Variants in TDRD9 observed in about 807,000 individuals in gnomAD.
TDRD9 encodes tudor domain containing 9.
TDRD9 carries 124 observed loss-of-function variants against 172.6 expected under a neutral mutation model. The observed-to-expected ratio is 0.72, with a 90% confidence interval of 0.62 to 0.83. TDRD9 has a LOEUF of 0.83. Among genes scored for constraint, TDRD9 ranks in the 40% least tolerant of loss-of-function variants. TDRD9 has a pLI of 0.00. For missense variants in TDRD9, 1,479 were observed against 1,714.1 expected (o/e 0.86, Z 2.42); for synonymous variants, 619 against 617.1 (o/e 1.00, Z -0.05).
intron 1 of TDRD9, among the ~76,000 whole-genome samples, chr14:103,951,752 TTC>T (rs1428227358): frequency 2.0e-5 from 3 of 152,146 alleles, no homozygotes. Flanking sequence ...ACTGAAATAT[TTC>T]TTTTTTTTTC....
intron 1 of TDRD9, among the ~76,000 whole-genome samples, chr14:103,954,669 C>G (rs547882201): frequency 6.6e-6 from 1 of 152,296 alleles, no homozygotes; most frequent in African/African-American, 2.4e-5. Context: ...GGCTCTGTTG[C>G]CCAGGCTGGA....
chr14:103,936,807 G>A (rs572549942), intron 1 of TDRD9, among the ~76,000 whole-genome samples: 1 of 152,302 alleles, frequency 6.6e-6, no homozygotes, highest in East Asian at 1.9e-4. Flanking sequence ...TTTGTTGAAT[G>A]ATGGCCTGGC....
At chr14:103,949,904 G>A (rs1390276591) in intron 1 of TDRD9, among the ~76,000 whole-genome samples, 7 of 151,770 alleles carry the variant, frequency 4.6e-5, no homozygotes, top group African/African-American at 1.7e-4. Context: ...TCGAACTCCC[G>A]ACCTCAGGTG....
rs557921777 is a variant in TDRD9 at position 103,930,119 on chromosome 14, G to A, written c.215+1395G>A. Reference sequence around the variant, plus strand: ...AGTACTTCCAGCTTGGAGTATCTCCGTCACTCTTGCTCAGTCCCCAAGTCC... The same window carrying A: ...AGTACTTCCAGCTTGGAGTATCTCCATCACTCTTGCTCAGTCCCCAAGTCC... On this transcript the variant is annotated intron_variant, in intron 1 of 35. Transcript: ENST00000409874. Among the ~76,000 whole-genome samples, 12 of 152,172 alleles carry A rather than the reference G, an allele frequency of 7.9e-5. No homozygotes were observed. The South Asian group carries it at 2.1e-3, about 26-fold the overall frequency.
At chr14:103,941,720 CTTGT>C (rs2031248528) in intron 1 of TDRD9, 1 of 1,454,522 alleles carries the variant, frequency 6.9e-7, no homozygotes, top group East Asian at 2.5e-5. Flanking sequence ...AATATTTTCA[CTTGT>C]TTATTTGCTC....
chr14:104,012,701 A>T (rs554493899), intron 20 of TDRD9, among the ~76,000 whole-genome samples: 1 of 151,998 alleles, frequency 6.6e-6, no homozygotes, highest in Non-Finnish European at 1.5e-5. Flanking sequence ...TCCTGTCTAT[A>T]ATTTCTTTTA....
At chr14:103,939,764 T>TTTTTA (rs61621268) in intron 1 of TDRD9, 4 of 133,076 alleles carry the variant, frequency 3.0e-5, no homozygotes, top group Admixed American at 1.6e-4. Flanking sequence ...TTTTTTTTTT[T>TTTTTA]GAGACAAGGT....
chr14:104,012,286 G>C (rs903307626), intron 20 of TDRD9, among the ~76,000 whole-genome samples: 2 of 152,236 alleles, frequency 1.3e-5, no homozygotes, highest in African/African-American at 4.8e-5. Context: ...AGAGTCCCTG[G>C]AGGCTTGGCA....
At chr14:104,034,928 T>C (rs1596016190) in intron 31 of TDRD9, 32 bp from the exon 32 acceptor site, 3 of 1,520,044 alleles carry the variant, frequency 2.0e-6, no homozygotes, top group Non-Finnish European at 2.7e-6. Flanking sequence ...CGTGAGTTAA[T>C]GCCCGATGTT....
Position 103,995,750 on chromosome 14 carries a change from A to G in TDRD9, c.1321A>G (p.Ile441Val). Residue 441 changes from isoleucine (I) to valine (V), a missense_variant and splice_region_variant, in exon 12 of 36, where the codon ATT becomes GTT. By Grantham distance (29) the Ile-to-Val change is conservative. Transcript: ENST00000409874. ...AGCTTTTTTCTTTGATGTTTAACAG[A>G]TTATTCTGTCCACCAATATTGCAGA... ...FLSPVPGYRK[I>V]ILSTNIAESS... 2 of 1,603,500 alleles carry G rather than the reference A, an allele frequency of 1.2e-6. No individual in the cohort carries two copies. The highest frequency in any genetic ancestry group is 8.5e-7 in the Non-Finnish European group (1 of 1,175,900).
In TDRD9 at chr14:103,941,151, A is replaced by G. The variant is rs991212085; in HGVS notation, c.215+12427A>G. 10 of 1,376,662 alleles carry G rather than the reference A, an allele frequency of 7.3e-6. No individual in the cohort carries two copies. The East Asian group carries it at 1.0e-4, about 14-fold the overall frequency. 85.3% of individuals were successfully genotyped at this position (1,376,662 alleles called of 1,614,324 possible). A position where few individuals can be genotyped will look rare whatever the true frequency, so the allele number is the denominator to read the frequency against. On this transcript the variant is annotated intron_variant, in intron 1 of 35. Transcript: ENST00000409874. The stretch of plus-strand genomic sequence containing the variant: ...TATTCAGTTTAGAACATTTTTTGTT[A>G]TATCTCTTTATCTCCAAAATACAGC...
chr14:103,993,885 A>T (rs993792907), intron 9 of TDRD9, among the ~76,000 whole-genome samples: 12 of 152,230 alleles, frequency 7.9e-5, no homozygotes, highest in Non-Finnish European at 2.9e-5. Context: ...GAGAATCAGG[A>T]TGAGGCAAAA....
intron 1 of TDRD9, among the ~76,000 whole-genome samples, chr14:103,952,688 G>C (rs1474140450): frequency 7.1e-6 from 1 of 140,484 alleles, no homozygotes; most frequent in Non-Finnish European, 1.5e-5. Context: ...ACATTTCTAT[G>C]CGTTTCATTC....
chr14:104,021,821 A>G (rs2034965248), intron 23 of TDRD9, among the ~76,000 whole-genome samples: 1 of 152,256 alleles, frequency 6.6e-6, no homozygotes, highest in Non-Finnish European at 1.5e-5. Flanking sequence ...ACATTCTGTT[A>G]TAATCATGAA....
At chr14:103,973,548 G>A (rs2033121831) in intron 6 of TDRD9, among the ~76,000 whole-genome samples, 2 of 152,250 alleles carry the variant, frequency 1.3e-5, no homozygotes, top group Non-Finnish European at 2.9e-5. Flanking sequence ...GTTTGGAGAA[G>A]AGGCAGAGGG....
At chr14:103,966,914 C>G (rs1180974606) in intron 5 of TDRD9, 83 bp downstream of exon 5, 2 of 1,229,408 alleles carry the variant, frequency 1.6e-6, no homozygotes, top group Non-Finnish European at 2.1e-6. Context: ...TGTCTTTGTG[C>G]CTGTCTCAGC....
At chr14:103,937,270 C>T (rs757548170) in intron 1 of TDRD9, among the ~76,000 whole-genome samples, 1 of 152,136 alleles carries the variant, frequency 6.6e-6, no homozygotes, top group African/African-American at 2.4e-5. Flanking sequence ...TCTCGCTGTG[C>T]TCTGGTCACA....
chr14:103,986,209 GT>G lies in TDRD9; in HGVS notation c.1012-3del, dbSNP rs1458654629. The G allele has an allele frequency of 6.2e-7, 1 of 1,610,332 alleles. No homozygotes were observed. Among genetic ancestry groups the G allele is most frequent in the Admixed American group, 1.7e-5 (1 of 59,368 alleles). Reference sequence around the variant, plus strand: ...CGTATTGCGACTTTTTTCTTTCACTGTTTTTAGCTCTCTCCTCATCTCCTGG... The same window carrying G: ...CGTATTGCGACTTTTTTCTTTCACTGTTTTAGCTCTCTCCTCATCTCCTGG... On this transcript the variant is annotated splice_region_variant and splice_polypyrimidine_tract_variant and intron_variant, in intron 7 of 35. Coordinates refer to ENST00000409874, the MANE Select transcript of TDRD9 (RefSeq NM_153046.3).
chr14:103,953,910 A>G (rs1191500272), intron 1 of TDRD9, among the ~76,000 whole-genome samples: 1 of 152,200 alleles, frequency 6.6e-6, no homozygotes, highest in Admixed American at 6.5e-5. Context: ...ACTGATTCAA[A>G]TGCTAACCTC....
Sources: gnomAD v4.1 joint callset for allele counts (sites outside exome capture counted in the v4.1 genomes callset) on GRCh38, gnomAD v4.1.1 for gene constraint, MANE v1.5 for transcripts, NCBI Gene and HGNC (gene_info 2026-07-23, HGNC 2026-07-21) for gene names.